The following KIAA1217 variants were observed in gnomAD, a reference collection of about 807,000 sequenced individuals.
KIAA1217 encodes KIAA1217.
In KIAA1217, 88 loss-of-function variants were observed where a neutral mutation model predicts 163.9. That is an observed-to-expected ratio of 0.54 (90% CI 0.45 to 0.64). KIAA1217 has a LOEUF of 0.64. KIAA1217 is among the 30% of genes least tolerant of loss of function. The pLI is 0.00. For synonymous variants in KIAA1217, 903 were observed against 923.1 expected (o/e 0.98, Z 0.39); for missense variants, 2,372 against 2,475.0 (o/e 0.96, Z 0.88).
chr10:24,126,594 C>A (rs1294533392), intron 2 of KIAA1217, among the ~76,000 whole-genome samples: 1 of 152,010 alleles, frequency 6.6e-6, no homozygotes, highest in South Asian at 2.1e-4. Context: ...AAATATGTAG[C>A]CAGATTGGAT....
chr10:23,818,346 A>AGC (rs1491407392), intron 1 of KIAA1217, among the ~76,000 whole-genome samples: 1 of 97,628 alleles, frequency 1.0e-5, no homozygotes, highest in African/African-American at 4.0e-5. Flanking sequence ...ATATATATAT[A>AGC]AAAAAATATA....
intron 1 of KIAA1217, among the ~76,000 whole-genome samples, chr10:23,817,787 GT>G (rs1837376370): frequency 6.6e-6 from 1 of 151,278 alleles, no homozygotes; most frequent in South Asian, 2.1e-4. Context: ...CAGTAATGCA[GT>G]TTTTGTATAT....
intron 1 of KIAA1217, among the ~76,000 whole-genome samples, chr10:23,855,030 G>T (rs951421958): frequency 2.0e-5 from 3 of 152,030 alleles, no homozygotes; most frequent in East Asian, 3.9e-4. Flanking sequence ...AGTTAATATT[G>T]TTATGTGTGA....
chr10:23,914,360 G>T (rs1339154165), intron 1 of KIAA1217, among the ~76,000 whole-genome samples: 1 of 152,152 alleles, frequency 6.6e-6, no homozygotes, highest in African/African-American at 2.4e-5. Flanking sequence ...TGTTTCCCAG[G>T]CTGGAGTGTA....
chr10:23,874,661 C>A (rs1196289626), intron 1 of KIAA1217, among the ~76,000 whole-genome samples: 1 of 151,892 alleles, frequency 6.6e-6, no homozygotes, highest in Admixed American at 6.6e-5. Context: ...TGGGACCATA[C>A]CCCAGACCAG....
chr10:24,439,011 T>C (rs2060276792), intron 5 of KIAA1217, among the ~76,000 whole-genome samples: 1 of 152,208 alleles, frequency 6.6e-6, no homozygotes, highest in African/African-American at 2.4e-5. Flanking sequence ...CTCTGAGCCA[T>C]GCTGAGGTCA....
At chr10:23,988,645 A>C (rs1280547241) in intron 1 of KIAA1217, among the ~76,000 whole-genome samples, 1 of 152,236 alleles carries the variant, frequency 6.6e-6, no homozygotes, top group Non-Finnish European at 1.5e-5. Flanking sequence ...TATAGGCCTC[A>C]TTGTTAGGTT....
chr10:23,898,263 C>T (rs75109992), intron 1 of KIAA1217, among the ~76,000 whole-genome samples: 2,183 of 151,668 alleles, frequency 0.014, 55 homozygotes, highest in African/African-American at 0.047. Flanking sequence ...CCACAAAATT[C>T]TGGCTTTAAA....
At chr10:24,353,074 G>A (rs1312522977) in intron 2 of KIAA1217, among the ~76,000 whole-genome samples, 1 of 152,014 alleles carries the variant, frequency 6.6e-6, no homozygotes, top group East Asian at 1.9e-4. Context: ...GGTCTTCTAG[G>A]TGGAGGCTGA....
chr10:23,695,834 C>T lies in KIAA1217; in HGVS notation c.-321+600C>T, dbSNP rs1366743345. Among the ~76,000 whole-genome samples, 1 of 152,210 alleles carries T rather than the reference C, an allele frequency of 6.6e-6. No individual in the cohort carries two copies. Among genetic ancestry groups the T allele is most frequent in the African/African-American group, 2.4e-5 (1 of 41,468 alleles). On this transcript the variant is annotated intron_variant, in intron 1 of 18. Coordinates refer to the KIAA1217 transcript ENST00000376462. The surrounding 1 kb of genome is among the most constrained non-coding windows in gnomAD (Gnocchi z 4.9). ...GTCGAGGCAGGAGGCGAATGTGACGCTTAGGGTCGCTACGGTTGATGTTGG... is the reference window on the plus strand; with the variant it reads ...GTCGAGGCAGGAGGCGAATGTGACGTTTAGGGTCGCTACGGTTGATGTTGG...
At chr10:24,248,450 C>T (rs778254614) in intron 2 of KIAA1217, among the ~76,000 whole-genome samples, 2 of 152,086 alleles carry the variant, frequency 1.3e-5, no homozygotes. Context: ...GCAGGTGGAT[C>T]ACCTGAGGTC....
chr10:24,505,070 A>G (rs1441217053), intron 9 of KIAA1217, among the ~76,000 whole-genome samples: 1 of 152,106 alleles, frequency 6.6e-6, no homozygotes, highest in Non-Finnish European at 1.5e-5. Flanking sequence ...ACTGGAGGCT[A>G]GGCACTGGTG....
At chr10:24,315,187 G>A (rs2043199446) in intron 2 of KIAA1217, among the ~76,000 whole-genome samples, 1 of 152,108 alleles carries the variant, frequency 6.6e-6, no homozygotes, top group Non-Finnish European at 1.5e-5. Context: ...ACAGAAACAT[G>A]TTCAGTTGCC....
At chr10:24,470,873 T>C (rs1213393924) in intron 5 of KIAA1217, among the ~76,000 whole-genome samples, 1 of 152,190 alleles carries the variant, frequency 6.6e-6, no homozygotes, top group Non-Finnish European at 1.5e-5. Context: ...CGCTGGATCC[T>C]TCCAGGAGCA....
chr10:24,123,080 T>C (rs2063341841), intron 2 of KIAA1217, among the ~76,000 whole-genome samples: 1 of 151,472 alleles, frequency 6.6e-6, no homozygotes. Context: ...ATCCTAAAAT[T>C]GCTACATAAC....
chr10:24,250,096 G>A (rs554869196), intron 2 of KIAA1217, among the ~76,000 whole-genome samples: 2 of 152,292 alleles, frequency 1.3e-5, no homozygotes, highest in South Asian at 2.1e-4. Flanking sequence ...TCAAAAAGGC[G>A]TGGGGAGGGA....
At chr10:24,390,388 G>C (rs903727252) in intron 3 of KIAA1217, among the ~76,000 whole-genome samples, 1 of 147,682 alleles carries the variant, frequency 6.8e-6, no homozygotes. Context: ...TGCTAAACTG[G>C]TAAAAAATAC....
chr10:24,177,523 T>G (rs190661238), intron 2 of KIAA1217, among the ~76,000 whole-genome samples: 1 of 151,750 alleles, frequency 6.6e-6, no homozygotes, highest in East Asian at 1.9e-4. Context: ...TTCCCCTGGA[T>G]ACCCAGTAAT....
intron 1 of KIAA1217, among the ~76,000 whole-genome samples, chr10:23,831,295 A>G (rs1028214778): frequency 1.4e-4 from 21 of 152,122 alleles, no homozygotes; most frequent in African/African-American, 5.1e-4. Flanking sequence ...CACAGAAAAA[A>G]AAAAATGGAA....
Sources: allele counts gnomAD v4.1 joint callset (sites outside exome capture counted in the v4.1 genomes callset), GRCh38; gene constraint gnomAD v4.1.1; non-coding constraint Gnocchi (gnomAD v3.1); transcripts MANE v1.5; gene names NCBI Gene and HGNC (gene_info 2026-07-23, HGNC 2026-07-21).